Variants in ADRA1A observed in about 807,000 individuals in gnomAD.
ADRA1A encodes alpha-1A adrenergic receptor.
In ADRA1A, 31 loss-of-function variants were observed where a neutral mutation model predicts 29.6. That is an observed-to-expected ratio of 1.05 (90% confidence interval 0.79 to 1.41). The LOEUF (loss-of-function observed/expected upper bound fraction) is 1.41, where lower values mean the gene tolerates loss of function less well. ADRA1A is among the 40% of genes most tolerant of loss of function. The pLI is 0.00. For missense variants in ADRA1A, 619 were observed against 601.1 expected (o/e 1.03, Z -0.31); for synonymous variants, 311 against 254.3 (o/e 1.22, Z -2.12).
chr8:26,860,957 T>C lies in ADRA1A; in HGVS notation c.883+3130A>G, dbSNP rs896241168. On this transcript the variant is annotated intron_variant, in intron 2 of 2. Transcript: ENST00000380573. This position sits in a 1 kb window ranked among gnomAD's most constrained non-coding sequence, Gnocchi z 4.7. ...TGTATAGCAAAACCTTTCAGAAGAG[T>C]TGTCTATTTTCCCTGTTCCCACTTT... Among the ~76,000 whole-genome samples, 3 of 152,000 alleles carry C rather than the reference T, an allele frequency of 2.0e-5. No individual in the cohort carries two copies. The highest frequency in any genetic ancestry group is 4.8e-5 in the African/African-American group (2 of 41,346).
chr8:26,748,370 T>G (rs1804780490), exon 3 of ADRA1A: 1 of 180,468 alleles, frequency 5.5e-6, no homozygotes, highest in East Asian at 1.8e-4. Context: ...CCTGCTGTTT[T>G]TCTTTCTTTT....
downstream of ADRA1A, chr8:26,768,726 T>C: frequency 4.8e-6 from 1 of 206,608 alleles, no homozygotes; most frequent in Non-Finnish European, 8.5e-6. Flanking sequence ...ATTATGTATA[T>C]GCAAGTATTT....
chr8:26,857,561 C>A (rs1018915823), intron 2 of ADRA1A, among the ~76,000 whole-genome samples: 4 of 152,122 alleles, frequency 2.6e-5, no homozygotes, highest in Admixed American at 2.0e-4. Context: ...GTCCCAGCTA[C>A]TCAGAAGGCT....
chr8:26,855,154 T>C (rs1013434816), intron 2 of ADRA1A, among the ~76,000 whole-genome samples: 1 of 152,088 alleles, frequency 6.6e-6, no homozygotes, highest in African/African-American at 2.4e-5. Flanking sequence ...TATGCAAAGA[T>C]GATGCATAAA....
chr8:26,760,138 T>C (rs1037877585), intron 2 of ADRA1A, among the ~76,000 whole-genome samples: 1 of 152,230 alleles, frequency 6.6e-6, no homozygotes, highest in Non-Finnish European at 1.5e-5. Flanking sequence ...TGCTCCTCGC[T>C]TCTCAGCAGG....
chr8:26,853,916 G>C (rs1436321111), intron 2 of ADRA1A: 1 of 152,104 alleles, frequency 6.6e-6, no homozygotes, highest in Non-Finnish European at 1.5e-5. Flanking sequence ...GGAAAAGATA[G>C]TTTTAAATAT....
At chr8:26,836,566 A>G (rs567145178) in intron 2 of ADRA1A, among the ~76,000 whole-genome samples, 1 of 152,326 alleles carries the variant, frequency 6.6e-6, no homozygotes, top group Admixed American at 6.5e-5. Flanking sequence ...TTTCCACAAA[A>G]CAGCAAATTT....
rs1813124896 is a variant in ADRA1A, at chr8:26,857,363, T to G, written c.883+6724A>C. Among the ~76,000 whole-genome samples, 5 of 152,282 alleles carry G rather than the reference T, an allele frequency of 3.3e-5. No homozygotes were observed. In the South Asian group the frequency reaches 1.0e-3, roughly 32 times the overall value. On this transcript the variant is annotated intron_variant, in intron 2 of 2. Transcript: ENST00000380573. ...TAGTAAGAGTAACTGAAACGCTGGC[T>G]TCTTATCTTAAAATAAATTCTAGCC...
chr8:26,769,647 A>G lies in ADRA1A; in HGVS notation c.*502T>C. On this transcript the variant is annotated 3_prime_UTR_variant, in exon 3 of 3. Coordinates refer to ENST00000380573, the MANE Select transcript of ADRA1A (RefSeq NM_000680.4). ...TGGAGTTTCAGGACTTGCTCTAAAAATAATGTGTCTGGATCTCGGCCACCA... is the reference window on the plus strand; with the variant it reads ...TGGAGTTTCAGGACTTGCTCTAAAAGTAATGTGTCTGGATCTCGGCCACCA... The G allele has an allele frequency of 3.0e-6, 3 of 985,750 alleles. No individual in the cohort carries two copies. The highest frequency in any genetic ancestry group is 3.6e-6 in the Non-Finnish European group (3 of 830,186). 61.1% of individuals were successfully genotyped at this position (985,750 alleles called of 1,614,324 possible).
At chr8:26,768,032 T>C (rs1431671678), downstream of ADRA1A, among the ~76,000 whole-genome samples, 1 of 152,068 alleles carries the variant, frequency 6.6e-6, no homozygotes, top group African/African-American at 2.4e-5. Context: ...AGAATCCAAG[T>C]TCTGAACACA....
chr8:26,783,073 G>C (rs1381173861), intron 2 of ADRA1A, among the ~76,000 whole-genome samples: 1 of 152,146 alleles, frequency 6.6e-6, no homozygotes, highest in Non-Finnish European at 1.5e-5. Context: ...TGGGCTTCCT[G>C]CTTCTGGTCT....
chr8:26,855,182 G>A (rs1210611446), intron 2 of ADRA1A, among the ~76,000 whole-genome samples: 3 of 151,260 alleles, frequency 2.0e-5, no homozygotes, highest in Non-Finnish European at 4.4e-5. Flanking sequence ...ATTTGAATGA[G>A]TTTATTAAAT....
At chr8:26,803,941 T>TTTGG (rs1808780887) in intron 2 of ADRA1A, among the ~76,000 whole-genome samples, 1 of 147,398 alleles carries the variant, frequency 6.8e-6, no homozygotes, top group South Asian at 2.2e-4. Context: ...TTTTTTTTTT[T>TTTGG]GAGATGATTT....
chr8:26,763,079 G>A (rs143296694), downstream of ADRA1A, among the ~76,000 whole-genome samples: 27 of 152,106 alleles, frequency 1.8e-4, 1 homozygote, highest in East Asian at 5.2e-3. The surrounding 1 kb of genome is among the most constrained non-coding windows in gnomAD (Gnocchi z 4.5). Context: ...AGGAGGAGGA[G>A]GAGGAAGAAG....
chr8:26,833,069 T>C (rs949220209), intron 2 of ADRA1A, among the ~76,000 whole-genome samples: 1 of 152,174 alleles, frequency 6.6e-6, no homozygotes, highest in Non-Finnish European at 1.5e-5. Flanking sequence ...AGTAAAGTTA[T>C]AGATATACGT....
intron 2 of ADRA1A, among the ~76,000 whole-genome samples, chr8:26,838,102 G>A (rs1811523400): frequency 6.6e-6 from 1 of 152,138 alleles, no homozygotes; most frequent in Non-Finnish European, 1.5e-5. Context: ...GTACAAACCA[G>A]GACAGGCGTT....
intron 2 of ADRA1A, among the ~76,000 whole-genome samples, chr8:26,857,065 C>T (rs959587920): frequency 6.6e-6 from 1 of 152,186 alleles, no homozygotes; most frequent in African/African-American, 2.4e-5. Flanking sequence ...AGGCTGGTCT[C>T]CTGACTTGCT....
At chr8:26,779,058 A>G (rs1563245832) in intron 2 of ADRA1A, 2 of 342,840 alleles carry the variant, frequency 5.8e-6, no homozygotes, top group African/African-American at 4.2e-5. Context: ...TGAATGGCTT[A>G]TTTATTTCAC....
downstream of ADRA1A, among the ~76,000 whole-genome samples, chr8:26,754,999 G>A (rs1012883686): frequency 6.6e-6 from 1 of 152,106 alleles, no homozygotes; most frequent in Non-Finnish European, 1.5e-5. Context: ...GTTGTTGTTG[G>A]AAAAACTTGT....
Sources: allele counts gnomAD v4.1 joint callset (sites outside exome capture counted in the v4.1 genomes callset), GRCh38; gene constraint gnomAD v4.1.1; non-coding constraint Gnocchi (gnomAD v3.1); transcripts MANE v1.5; gene names NCBI Gene and HGNC (gene_info 2026-07-23, HGNC 2026-07-21).